Variants in WNK3 observed in about 807,000 individuals in gnomAD.
WNK3 encodes WNK lysine deficient protein kinase 3, also known as serine/threonine-protein kinase WNK3.
In WNK3, 18 loss-of-function variants were observed where a neutral mutation model predicts 116.7. The ratio of observed to expected loss-of-function variants is 0.15; its 90% CI spans 0.11 to 0.23. The LOEUF (loss-of-function observed/expected upper bound fraction) is 0.23, where lower values mean the gene tolerates loss of function less well. Among genes scored for constraint, WNK3 ranks in the 10% least tolerant of loss-of-function variants. The pLI, the probability that WNK3 is intolerant of heterozygous loss-of-function variation, is 1.00. For synonymous variants in WNK3, 404 were observed against 469.4 expected, an observed-to-expected ratio of 0.86 and a Z score of 1.80; for missense variants, 993 against 1,323.8, an observed-to-expected ratio of 0.75 and a Z score of 3.88.
At chrX:54,313,444 C>T (rs1157682116) in intron 2 of WNK3, among the ~76,000 whole-genome samples, 1 of 109,358 alleles carries the variant, frequency 9.1e-6, no homozygotes, top group African/African-American at 3.3e-5. Context: ...CTCCGTCTCC[C>T]GGGTTCAAGC....
At chrX:54,223,696 TC>T in intron 22 of WNK3, 1 of 126,630 alleles carries the variant, frequency 7.9e-6, no homozygotes, top group Non-Finnish European at 1.6e-5. Context: ...GAGGGATGTC[TC>T]CACTAAGGCC....
chrX:54,326,779 G>A (rs1484710273), intron 2 of WNK3, among the ~76,000 whole-genome samples: 3 of 111,550 alleles, frequency 2.7e-5, no homozygotes, highest in Non-Finnish European at 5.6e-5. Context: ...GAGGTCAGGA[G>A]ATCGAGACCA....
chrX:54,325,052 T>C (rs1277648221), intron 2 of WNK3, among the ~76,000 whole-genome samples: 3 of 112,091 alleles, frequency 2.7e-5, no homozygotes, highest in African/African-American at 9.7e-5. Context: ...AGTATGGATT[T>C]TTAAGCTGTT....
In WNK3 at chrX:54,338,344, C is replaced by A. The variant is rs943257578; in HGVS notation, c.-119-4552G>T. On this transcript the variant is annotated intron_variant, in intron 1 of 23. Coordinates refer to ENST00000354646, the Ensembl canonical transcript of WNK3. ...GGCTGAAGCTCAAGAATCGCTTGAA[C>A]CCAGAATGCAGAGGTTGCAGTGAGC... Among the ~76,000 whole-genome samples, 9 of 109,819 alleles carry A rather than the reference C, an allele frequency of 8.2e-5. No homozygotes were observed. The East Asian group carries it at 2.6e-3, about 31-fold the overall frequency.
At chrX:54,293,251 G>T (rs1557165536) in exon 9 of WNK3, 4 of 1,210,838 alleles carry the variant, frequency 3.3e-6, no homozygotes, top group Non-Finnish European at 4.5e-6. Context: ...TTTGATTTGA[G>T]GAATAGGCTA....
intron 17 of WNK3, among the ~76,000 whole-genome samples, chrX:54,243,277 C>T (rs1450514859): frequency 1.9e-5 from 2 of 108,092 alleles, no homozygotes; most frequent in African/African-American, 6.7e-5. Flanking sequence ...AAAAATTAGC[C>T]GGGCGCAGTG....
At chrX:54,346,806 A>C (rs2069438087) in intron 1 of WNK3, among the ~76,000 whole-genome samples, 2 of 111,398 alleles carry the variant, frequency 1.8e-5, no homozygotes, top group Admixed American at 1.9e-4. Context: ...ACAATATAAT[A>C]ATCAATAAAT....
chrX:54,299,069 G>A (rs991631601), intron 6 of WNK3, among the ~76,000 whole-genome samples: 2 of 111,831 alleles, frequency 1.8e-5, no homozygotes, highest in Non-Finnish European at 3.8e-5. Flanking sequence ...TCTCTGAAGA[G>A]AAACAAAGGA....
intron 1 of WNK3, among the ~76,000 whole-genome samples, chrX:54,356,946 C>CCACCT (rs2069601627): frequency 9.2e-6 from 1 of 108,158 alleles, no homozygotes; most frequent in South Asian, 4.1e-4. Context: ...TACAGTGAAG[C>CCACCT]CACCTCACCA....
chrX:54,352,868 T>G (rs1012397664), intron 1 of WNK3, among the ~76,000 whole-genome samples: 20 of 111,808 alleles, frequency 1.8e-4, no homozygotes, highest in African/African-American at 6.2e-4. Flanking sequence ...ATACGGTATA[T>G]CCATACAAAG....
At chrX:54,222,801 G>A (rs1240472141) in intron 22 of WNK3, among the ~76,000 whole-genome samples, 17 of 102,668 alleles carry the variant, frequency 1.7e-4, no homozygotes, top group Non-Finnish European at 3.2e-4. Context: ...ACTTGAACCC[G>A]GGAGGTGGAG....
intron 1 of WNK3, among the ~76,000 whole-genome samples, chrX:54,349,714 TA>T (rs781917079): frequency 9.0e-6 from 1 of 111,438 alleles, no homozygotes; most frequent in East Asian, 2.8e-4. Context: ...TATAGTAAGT[TA>T]AACAATGTGG....
intron 22 of WNK3, among the ~76,000 whole-genome samples, chrX:54,206,015 C>T (rs782478677): frequency 8.9e-6 from 1 of 111,930 alleles, no homozygotes; most frequent in African/African-American, 3.2e-5. Context: ...TGCATTATTT[C>T]TATCTCTTAT....
intron 10 of WNK3, among the ~76,000 whole-genome samples, chrX:54,287,347 G>A (rs2147091487): frequency 8.9e-6 from 1 of 111,907 alleles, no homozygotes; most frequent in South Asian, 3.7e-4. Context: ...AAACATGCCA[G>A]ACAAACTTCT....
exon 24 of WNK3, chrX:54,197,884 G>A (rs1231383607): frequency 6.4e-5 from 7 of 109,639 alleles, no homozygotes; most frequent in Admixed American, 5.0e-4. Context: ...TCCACATTTG[G>A]GGAGAATCAA....
intron 16 of WNK3, 58 bp downstream of exon 16, chrX:54,249,936 T>A: frequency 8.9e-7 from 1 of 1,128,259 alleles, no homozygotes; most frequent in Non-Finnish European, 1.2e-6. Context: ...AGATATCATA[T>A]GTATTTTGCA....
At chrX:54,291,417 C>T (rs1355962438) in intron 10 of WNK3, among the ~76,000 whole-genome samples, 3 of 112,274 alleles carry the variant, frequency 2.7e-5, no homozygotes, top group African/African-American at 9.7e-5. Context: ...TTTTTCATAA[C>T]TTTATGGGCT....
intron 5 of WNK3, among the ~76,000 whole-genome samples, chrX:54,302,759 T>TATAC (rs1569538447): frequency 1.6e-4 from 2 of 12,640 alleles, no homozygotes; most frequent in African/African-American, 4.9e-4. Context: ...ATATATATAT[T>TATAC]TTTTTTTTTT....
At chrX:54,334,754 C>T (rs2069212496) in intron 1 of WNK3, among the ~76,000 whole-genome samples, 2 of 112,052 alleles carry the variant, frequency 1.8e-5, no homozygotes. Flanking sequence ...TATTAATACA[C>T]TATCCTAAAA....
Sources: allele counts gnomAD v4.1 joint callset (sites outside exome capture counted in the v4.1 genomes callset), GRCh38; gene constraint gnomAD v4.1.1; transcripts MANE v1.5; gene names NCBI Gene and HGNC (gene_info 2026-07-23, HGNC 2026-07-21).